The following TTC21B variants were observed in gnomAD, a reference collection of about 807,000 sequenced individuals.
TTC21B encodes tetratricopeptide repeat domain 21B.
TTC21B carries 127 observed loss-of-function variants against 175.1 expected under a neutral mutation model. That is an observed-to-expected ratio of 0.73 (90% CI 0.63 to 0.84). TTC21B has a LOEUF of 0.84. TTC21B is among the 40% of genes least tolerant of loss of function. The pLI, the probability that TTC21B is intolerant of heterozygous loss-of-function variation, is 0.00. For synonymous variants in TTC21B, 524 were observed against 524.5 expected (o/e 1.00, Z 0.01); for missense variants, 1,561 against 1,558.3 (o/e 1.00, Z -0.03).
At chr2:165,947,365 C>A (rs1559077456) in intron 3 of TTC21B, 1 of 151,054 alleles carries the variant, frequency 6.6e-6, no homozygotes, top group African/African-American at 2.4e-5. Context: ...CCTTTCAACT[C>A]TAATGATACA....
In TTC21B at chr2:165,917,415, C is replaced by G; in HGVS notation, c.1741G>C (p.Asp581His). Residue 581 changes from aspartate to histidine, a missense_variant, in exon 14 of 29, where the codon GAC becomes CAC. Asp to His is a moderately conservative substitution (Grantham distance 81). Coordinates refer to ENST00000243344, the MANE Select transcript of TTC21B (RefSeq NM_024753.5). Reference protein sequence around the residue: ...QSQKKMGEIADAIKTLHMAMS... With the variant: ...QSQKKMGEIAHAIKTLHMAMS... ...GCCATATGCAGTGTTTTAATTGCGT[C>G]TGCTATTTCTCCCATTTTCTTTTGT... 1.2e-6 allele frequency: 2 copies of G among 1,614,088 alleles called. No homozygotes were observed. The highest frequency in any genetic ancestry group is 1.7e-6 in the Non-Finnish European group (2 of 1,180,000).
chr2:165,911,188 G>A (rs1685919396), intron 18 of TTC21B, 139 bp downstream of exon 18: 1 of 1,039,806 alleles, frequency 9.6e-7, no homozygotes, highest in East Asian at 2.6e-5. Flanking sequence ...GTGGCATTCT[G>A]ATAAAAGAAA....
At chr2:165,948,415 A>C (rs1355985613) in intron 3 of TTC21B, 1 of 152,252 alleles carries the variant, frequency 6.6e-6, no homozygotes, top group Non-Finnish European at 1.5e-5. Flanking sequence ...AGTTTCTTGA[A>C]GAAATTAAGC....
Position 165,949,630 on chromosome 2 carries a change from A to G in TTC21B, c.116T>C (p.Phe39Ser). The G allele has an allele frequency of 6.2e-7, 1 of 1,613,714 alleles. No homozygotes were observed. The highest frequency in any genetic ancestry group is 8.5e-7 in the Non-Finnish European group (1 of 1,179,886). The change falls in exon 2 of 29, where the codon TTC becomes TCC. Residue 39 changes from phenylalanine to serine, a missense_variant. Phe to Ser is a radical substitution (Grantham distance 155). Transcript: ENST00000243344. The stretch of plus-strand genomic sequence containing the variant: ...TGTGCCATAGGCATGATAAAACCTG[A>G]AGACTGGATCACTTCCATACCTCTT... ...GIKRYGSDPV[F>S]RFYHAYGTLM...
At chr2:165,909,905 C>T (rs1316066102) in intron 18 of TTC21B, among the ~76,000 whole-genome samples, 4 of 152,180 alleles carry the variant, frequency 2.6e-5, no homozygotes, top group East Asian at 1.9e-4. Flanking sequence ...TATAGGTGTA[C>T]TATAATCCAT....
In TTC21B at chr2:165,880,837, A is replaced by G. The variant is rs373698441; in HGVS notation, c.3685-38T>C. ...GGGAGACATCAATAGATTAAACTTG[A>G]TATCACTAAGATTTTATGGGATGTT... is the stretch of plus-strand genomic sequence containing the variant. On this transcript the variant is annotated intron_variant, in intron 26 of 28. Coordinates refer to ENST00000243344, the MANE Select transcript of TTC21B (RefSeq NM_024753.5). 6.9e-6 allele frequency: 11 copies of G among 1,602,322 alleles called. No individual in the cohort carries two copies. In the Admixed American group the frequency reaches 1.0e-4, roughly 15 times the overall value.
At position 165,953,725 on chromosome 2, in the gene TTC21B, CG is replaced by C; in HGVS notation, c.-21del. 5 of 1,545,812 alleles carry C rather than the reference CG, an allele frequency of 3.2e-6. 1 individual carries two copies. The highest frequency in any genetic ancestry group is 4.4e-6 in the Non-Finnish European group (5 of 1,146,256). On this transcript the variant is annotated 5_prime_UTR_variant, in exon 1 of 29. Coordinates refer to ENST00000243344, the MANE Select transcript of TTC21B (RefSeq NM_024753.5). ...GTCCATGGCTGCCCCGAGGCCGGGC[CG>C]CGGGGCTCTGGGGATTGTCTCGCCG...
intron 25 of TTC21B, among the ~76,000 whole-genome samples, chr2:165,886,781 T>C (rs903532750): frequency 3.3e-5 from 5 of 152,172 alleles, no homozygotes; most frequent in Non-Finnish European, 7.3e-5. Context: ...TGTTATGAGA[T>C]AGAATAGCAC....
intron 21 of TTC21B, 44 bp downstream of exon 21, chr2:165,899,726 T>C (rs1239398922): frequency 7.5e-7 from 1 of 1,339,228 alleles, no homozygotes; most frequent in African/African-American, 1.4e-5. Flanking sequence ...TTAAAACTTA[T>C]AAAACACAAG....
rs189775158 is a variant in TTC21B, at chr2:165,900,357, G to A, written c.2758-477C>T. Among the ~76,000 whole-genome samples, 25 of 152,228 alleles carry A rather than the reference G, an allele frequency of 1.6e-4. 1 individual carries two copies. The highest frequency in any genetic ancestry group is 1.5e-3 in the East Asian group (8 of 5,190). On this transcript the variant is annotated intron_variant, in intron 20 of 28. Coordinates refer to ENST00000243344, the MANE Select transcript of TTC21B (RefSeq NM_024753.5). ...TGCCTTGCTAAAGGTTGTTTTTGCC[G>A]TTTATCTGAAAAAATTATATTAATA...
Position 165,900,064 on chromosome 2 carries a change from GA to G in TTC21B, c.2758-185del, listed in dbSNP as rs56346146. Among the ~76,000 whole-genome samples the G allele has an allele frequency of 4.4e-4, 56 of 128,374 alleles. 1 individual carries two copies. The South Asian group carries it at 1.0e-2, about 23-fold the overall frequency. 84.2% of individuals were successfully genotyped at this position (128,374 alleles called of 152,430 possible). A position where few individuals can be genotyped will look rare whatever the true frequency, so the allele number is the denominator to read the frequency against. On this transcript the variant is annotated intron_variant, in intron 20 of 28. Coordinates refer to ENST00000243344, the MANE Select transcript of TTC21B (RefSeq NM_024753.5). Reference sequence around the variant, plus strand: ...CCCATCTCTATTTTCTCTTACACTAGAAAAAAAAAAAACAGAGAAACAGGTA... The same window carrying G: ...CCCATCTCTATTTTCTCTTACACTAGAAAAAAAAAAACAGAGAAACAGGTA...
intron 6 of TTC21B, among the ~76,000 whole-genome samples, chr2:165,938,761 A>G (rs1473528239): frequency 6.6e-6 from 1 of 152,006 alleles, no homozygotes; most frequent in East Asian, 1.9e-4. Context: ...GGAGAAAGGA[A>G]GGGAGAGGGA....
chr2:165,890,065 T>G (rs1685134823), intron 24 of TTC21B, among the ~76,000 whole-genome samples: 2 of 152,192 alleles, frequency 1.3e-5, no homozygotes, highest in South Asian at 2.1e-4. Flanking sequence ...TCTGCAATAC[T>G]GTTATAGAAA....
chr2:165,929,422 T>G, intron 10 of TTC21B, 87 bp from the exon 11 acceptor site: 1 of 1,097,524 alleles, frequency 9.1e-7, no homozygotes, highest in Non-Finnish European at 1.3e-6. Context: ...TATAATGTGC[T>G]ACTGATATGC....
chr2:165,924,959 C>T (rs947695435), intron 11 of TTC21B, among the ~76,000 whole-genome samples: 4 of 151,934 alleles, frequency 2.6e-5, no homozygotes, highest in Non-Finnish European at 5.9e-5. Context: ...TGGGTATTAT[C>T]TATTCAAAAG....
chr2:165,920,028 A>T (rs1686328203), intron 12 of TTC21B, among the ~76,000 whole-genome samples: 1 of 152,194 alleles, frequency 6.6e-6, no homozygotes, highest in Admixed American at 6.5e-5. Flanking sequence ...GAAATAATCA[A>T]GATTAAAGTG....
Position 165,880,737 on chromosome 2 carries a change from A to G in TTC21B, c.3747T>C (p.Asp1249=). 6.2e-7 allele frequency: 1 copy of G among 1,613,516 alleles called. No homozygotes were observed. Among genetic ancestry groups the G allele is most frequent in the Non-Finnish European group, 8.5e-7 (1 of 1,179,770 alleles). Residue 1249 remains aspartate (D), a synonymous_variant, in exon 27 of 29, where the codon GAT becomes GAC. Transcript: ENST00000243344. ...YIMEKEQAYT[D]AALNYEMAWK... ...ATGCCATCTCATAGTTCAAGGCAGC[A>G]TCTGTATATGCTTGCTCTTTTTCCA...
rs372625046 is a variant in TTC21B at position 165,917,326 on chromosome 2, T to C, written c.1830A>G (p.Glu610=). 1.2e-6 allele frequency: 2 copies of C among 1,614,106 alleles called. No individual in the cohort carries two copies. The highest frequency in any genetic ancestry group is 1.7e-6 in the Non-Finnish European group (2 of 1,180,042). ...ASTKSKDRKT[E]VDTSHRLSIF... ...TCGATAAACGATGGCTTGTATCAAC[T>C]TCAGTTTTTCTGTCTTTTGATTTTG... Residue 610 remains glutamate, a synonymous_variant, in exon 14 of 29, where the codon GAA becomes GAG. Transcript: ENST00000243344.
At chr2:165,884,919 C>T (rs538197416) in intron 25 of TTC21B, among the ~76,000 whole-genome samples, 141 of 152,320 alleles carry the variant, frequency 9.3e-4, no homozygotes, top group Non-Finnish European at 1.6e-3. Flanking sequence ...GAGGGCAGCT[C>T]ATGTCTGTAA....
Sources: gnomAD v4.1 joint callset for allele counts (sites outside exome capture counted in the v4.1 genomes callset) on GRCh38, gnomAD v4.1.1 for gene constraint, MANE v1.5 for transcripts, NCBI Gene and HGNC (gene_info 2026-07-23, HGNC 2026-07-21) for gene names.